Variants in NAV2 observed in about 807,000 individuals in gnomAD.
NAV2 encodes helicase, APC down-regulated 1.
Under a neutral mutation model 223.2 loss-of-function variants are expected in NAV2, and 54 were observed. That is an observed-to-expected ratio of 0.24 (90% CI 0.19 to 0.30). NAV2 has a LOEUF of 0.30. Ranked by LOEUF, NAV2 falls within the 10% of genes least tolerant of loss-of-function variation. The pLI is 1.00. For missense variants in NAV2, 2,806 were observed against 3,147.5 expected, an observed-to-expected ratio of 0.89 and a Z score of 2.60; for synonymous variants, 1,279 against 1,239.3, an observed-to-expected ratio of 1.03 and a Z score of -0.67.
At chr11:19,499,619 C>T (rs934681767) in intron 1 of NAV2, among the ~76,000 whole-genome samples, 1 of 152,184 alleles carries the variant, frequency 6.6e-6, no homozygotes, top group Non-Finnish European at 1.5e-5. Flanking sequence ...ACAGCTTAAC[C>T]TTGCTCAGCC....
At chr11:19,483,558 GA>G (rs1305914779) in intron 1 of NAV2, among the ~76,000 whole-genome samples, 1 of 151,996 alleles carries the variant, frequency 6.6e-6, no homozygotes, top group East Asian at 1.9e-4. Context: ...AATAAGAAAA[GA>G]AAAAAAGTGA....
At chr11:19,725,469 G>A (rs571132321) in intron 1 of NAV2, among the ~76,000 whole-genome samples, 4 of 152,328 alleles carry the variant, frequency 2.6e-5, no homozygotes, top group Admixed American at 2.6e-4. Context: ...GCTGTCTAAA[G>A]TAACACGGGG....
intron 1 of NAV2, among the ~76,000 whole-genome samples, chr11:19,658,127 C>T (rs2048179397): frequency 6.6e-6 from 1 of 152,130 alleles, no homozygotes; most frequent in Admixed American, 6.5e-5. Flanking sequence ...TATAAACTTA[C>T]TTAATTTTTC....
intron 1 of NAV2, among the ~76,000 whole-genome samples, chr11:19,599,987 AT>A (rs1260347383): frequency 6.6e-6 from 1 of 152,176 alleles, no homozygotes; most frequent in Non-Finnish European, 1.5e-5. Flanking sequence ...TGAAGTAAGT[AT>A]TTCAGTACAA....
In NAV2 at chr11:19,404,924, ACTGC is replaced by A. The variant is rs1401023874; in HGVS notation, c.75+53899_75+53902del. Among the ~76,000 whole-genome samples the A allele has an allele frequency of 2.6e-5, 4 of 152,200 alleles. 1 individual carries two copies. In the East Asian group the frequency reaches 5.8e-4, roughly 22 times the overall value. ...CTGTCTGTCTGGTCTTCAAAGCCCC[ACTGC>A]CAAGTGGCTGGTTGCCTTCCCTCCT... On this transcript the variant is annotated intron_variant, in intron 1 of 37. Transcript: ENST00000360655.
At chr11:19,984,376 A>G in intron 11 of NAV2, 129 bp downstream of exon 11, 1 of 1,425,964 alleles carries the variant, frequency 7.0e-7, no homozygotes, top group Non-Finnish European at 9.5e-7. Context: ...GAGGCCTGGA[A>G]TCTGTACCTG....
At chr11:20,075,776 C>A (rs1406593728) in intron 22 of NAV2, among the ~76,000 whole-genome samples, 1 of 151,666 alleles carries the variant, frequency 6.6e-6, no homozygotes, top group African/African-American at 2.4e-5. Flanking sequence ...AGCATCTCCC[C>A]ACCCACCCCC....
intron 1 of NAV2, among the ~76,000 whole-genome samples, chr11:19,390,126 G>A (rs189361274): frequency 2.4e-3 from 367 of 152,256 alleles, no homozygotes; most frequent in African/African-American, 7.3e-3. Context: ...CTCCTGGGGC[G>A]CAGTGTCCAT....
chr11:19,986,309 G>A (rs528731986), intron 11 of NAV2, among the ~76,000 whole-genome samples: 5 of 152,242 alleles, frequency 3.3e-5, no homozygotes, highest in East Asian at 1.9e-4. Context: ...GGAATGCTCC[G>A]ATATGATCAT....
chr11:19,870,433 A>G (rs1463342530), intron 4 of NAV2, among the ~76,000 whole-genome samples: 1 of 152,010 alleles, frequency 6.6e-6, no homozygotes, highest in Non-Finnish European at 1.5e-5. Flanking sequence ...ACCAGCAGGG[A>G]CTTTTACAGA....
At chr11:20,108,000 C>T (rs1469606398) in intron 36 of NAV2, among the ~76,000 whole-genome samples, 2 of 152,228 alleles carry the variant, frequency 1.3e-5, no homozygotes, top group African/African-American at 2.4e-5. Context: ...GCTGGTTAGC[C>T]TTTCTGTGCC....
intron 1 of NAV2, among the ~76,000 whole-genome samples, chr11:19,785,831 C>T (rs558481026): frequency 1.3e-5 from 2 of 152,236 alleles, no homozygotes; most frequent in South Asian, 4.1e-4. Context: ...AAGGGGACCT[C>T]TATTTGAATA....
chr11:19,558,356 T>C (rs766684020), intron 1 of NAV2, among the ~76,000 whole-genome samples: 4 of 152,322 alleles, frequency 2.6e-5, no homozygotes, highest in Non-Finnish European at 5.9e-5. Flanking sequence ...CTCAAATGCA[T>C]GGCACCTCAG....
chr11:20,020,786 A>G (rs974386207), intron 11 of NAV2, among the ~76,000 whole-genome samples: 2 of 152,148 alleles, frequency 1.3e-5, no homozygotes, highest in Admixed American at 1.3e-4. Flanking sequence ...AGAGTAAAAG[A>G]CAAGCTGCTT....
At chr11:20,028,088 C>T (rs183135080) in intron 11 of NAV2, among the ~76,000 whole-genome samples, 18 of 152,186 alleles carry the variant, frequency 1.2e-4, no homozygotes, top group Admixed American at 5.9e-4. Flanking sequence ...CTCAGGGGTC[C>T]CAGTGAAGTC....
chr11:20,074,245 G>A (rs1286511234), intron 22 of NAV2, among the ~76,000 whole-genome samples: 4 of 152,176 alleles, frequency 2.6e-5, no homozygotes, highest in African/African-American at 9.7e-5. Context: ...GTGTGGTTTT[G>A]AGTGAGTTTC....
At chr11:20,043,833 TA>T (rs2057185726) in intron 12 of NAV2, 147 bp from the exon 13 acceptor site, 2 of 654,198 alleles carry the variant, frequency 3.1e-6, no homozygotes, top group Admixed American at 5.4e-5. Flanking sequence ...TCTAACAAGA[TA>T]ACCAGAGTAC....
chr11:19,397,792 G>A (rs1306735262), intron 1 of NAV2, among the ~76,000 whole-genome samples: 1 of 152,122 alleles, frequency 6.6e-6, no homozygotes, highest in Non-Finnish European at 1.5e-5. Context: ...TCCCCTCTGG[G>A]TCTGAGTTTT....
chr11:19,673,476 A>G (rs1764675870), intron 1 of NAV2, among the ~76,000 whole-genome samples: 1 of 152,254 alleles, frequency 6.6e-6, no homozygotes, highest in Non-Finnish European at 1.5e-5. Context: ...TCAAACCCAG[A>G]GAAGTTTGAT....
Sources: allele counts gnomAD v4.1 joint callset (sites outside exome capture counted in the v4.1 genomes callset), GRCh38; gene constraint gnomAD v4.1.1; transcripts MANE v1.5; gene names NCBI Gene and HGNC (gene_info 2026-07-23, HGNC 2026-07-21).